Variants in ELAPOR2 observed in about 807,000 individuals in gnomAD.
The protein encoded by ELAPOR2 is endosome-lysosome associated apoptosis and autophagy regulator family member 2, also known as endosome/lysosome-associated apoptosis and autophagy regulator family member 2.
In ELAPOR2, 89 loss-of-function variants were observed where a neutral mutation model predicts 120.7. The observed-to-expected ratio is 0.74, with a 90% CI of 0.62 to 0.88. ELAPOR2 has a LOEUF of 0.88. Ranked by LOEUF, ELAPOR2 falls within the 40% of genes least tolerant of loss-of-function variation. The pLI is 0.00. For missense variants in ELAPOR2, 1,134 were observed against 1,251.6 expected, an observed-to-expected ratio of 0.91 and a Z score of 1.42; for synonymous variants, 444 against 444.9, an observed-to-expected ratio of 1.00 and a Z score of 0.03.
At chr7:87,034,920 T>C (rs1041849584) in intron 1 of ELAPOR2, among the ~76,000 whole-genome samples, 10 of 152,088 alleles carry the variant, frequency 6.6e-5, no homozygotes, top group Non-Finnish European at 1.0e-4. Context: ...CCGTCTCTAC[T>C]AAAAATACAA....
At chr7:86,892,726 T>C (rs974975793) in intron 20 of ELAPOR2, among the ~76,000 whole-genome samples, 196 bp downstream of exon 20, 1 of 152,110 alleles carries the variant, frequency 6.6e-6, no homozygotes, top group Non-Finnish European at 1.5e-5. Flanking sequence ...TCTAATGTTC[T>C]ATGATCTTTC....
At chr7:87,022,388 T>C (rs1304528373) in intron 1 of ELAPOR2, among the ~76,000 whole-genome samples, 3 of 151,992 alleles carry the variant, frequency 2.0e-5, no homozygotes, top group Non-Finnish European at 4.4e-5. Flanking sequence ...GCTTCATCCA[T>C]GTCCCTACAA....
chr7:87,052,236 T>C (rs1212429997), intron 1 of ELAPOR2, among the ~76,000 whole-genome samples: 1 of 152,180 alleles, frequency 6.6e-6, no homozygotes, highest in African/African-American at 2.4e-5. Context: ...GGACCTATAG[T>C]TTCAGTGGCT....
At chr7:86,941,455 A>G (rs1327842693) in intron 5 of ELAPOR2, 1 of 503,312 alleles carries the variant, frequency 2.0e-6, no homozygotes, top group Admixed American at 2.0e-5. Context: ...AATGTGTGGC[A>G]AATAGGTAGG....
intron 1 of ELAPOR2, among the ~76,000 whole-genome samples, chr7:86,987,769 C>T (rs899163372): frequency 7.2e-5 from 11 of 152,124 alleles, no homozygotes; most frequent in African/African-American, 2.7e-4. Flanking sequence ...GTAGTTCAAC[C>T]TTTGTGGAAG....
At chr7:86,949,164 A>G (rs1791128688) in intron 2 of ELAPOR2, among the ~76,000 whole-genome samples, 1 of 152,322 alleles carries the variant, frequency 6.6e-6, no homozygotes, top group South Asian at 2.1e-4. Flanking sequence ...AAATCAGTAA[A>G]ACATGAGAAA....
At chr7:86,985,785 T>G (rs1792706693) in intron 1 of ELAPOR2, among the ~76,000 whole-genome samples, 1 of 152,046 alleles carries the variant, frequency 6.6e-6, no homozygotes, top group East Asian at 1.9e-4. Context: ...TCATTCAACA[T>G]TAGGTATATC....
At chr7:86,988,443 T>A (rs1792832841) in intron 1 of ELAPOR2, among the ~76,000 whole-genome samples, 3 of 152,146 alleles carry the variant, frequency 2.0e-5, no homozygotes, top group African/African-American at 7.2e-5. Context: ...GCATTTACAT[T>A]GTATTAGGTA....
chr7:86,987,892 G>A (rs1317195680), intron 1 of ELAPOR2, among the ~76,000 whole-genome samples: 1 of 152,110 alleles, frequency 6.6e-6, no homozygotes, highest in Non-Finnish European at 1.5e-5. Flanking sequence ...AAAGATATAT[G>A]CACACTTATG....
At chr7:86,983,391 T>G (rs1238813595) in intron 1 of ELAPOR2, among the ~76,000 whole-genome samples, 2 of 152,078 alleles carry the variant, frequency 1.3e-5, no homozygotes, top group African/African-American at 4.8e-5. Flanking sequence ...ATTGTCAGAT[T>G]CACCAAGGTT....
chr7:86,998,445 G>A (rs1276041497), intron 1 of ELAPOR2, among the ~76,000 whole-genome samples: 1 of 152,198 alleles, frequency 6.6e-6, no homozygotes, highest in African/African-American at 2.4e-5. Flanking sequence ...TGGTTATAGA[G>A]TAGTGGAGCT....
At chr7:86,963,939 T>C (rs1755732180) in intron 2 of ELAPOR2, among the ~76,000 whole-genome samples, 1 of 152,226 alleles carries the variant, frequency 6.6e-6, no homozygotes, top group Non-Finnish European at 1.5e-5. Context: ...CAAGAAATAA[T>C]GGTATTTTTC....
At chr7:87,050,262 T>C (rs959878852) in intron 1 of ELAPOR2, among the ~76,000 whole-genome samples, 1 of 152,196 alleles carries the variant, frequency 6.6e-6, no homozygotes, top group South Asian at 2.1e-4. Context: ...CCAAATCTCA[T>C]GTTGAATTTT....
chr7:86,912,775 G>A (rs1465007785), intron 14 of ELAPOR2, among the ~76,000 whole-genome samples, 166 bp downstream of exon 14: 1 of 152,166 alleles, frequency 6.6e-6, no homozygotes, highest in Admixed American at 6.5e-5. Flanking sequence ...CATACAGTAA[G>A]TGTTTAATAA....
rs1163999697 is a variant in ELAPOR2 at position 87,050,584 on chromosome 7, AAGTACCCAATCTC to A, written c.189+8728_189+8740del. ...GTCAATTAAACATCTTTTCTTTATAAAGTACCCAATCTCAGGTACTTTTTTTACAGCAATGCGA... is the reference window on the plus strand; with the variant it reads ...GTCAATTAAACATCTTTTCTTTATAAAGGTACTTTTTTTACAGCAATGCGA... On this transcript the variant is annotated intron_variant, in intron 1 of 21. Transcript: ENST00000450689. Among the ~76,000 whole-genome samples the A allele has an allele frequency of 3.9e-5, 6 of 152,298 alleles. No individual in the cohort carries two copies. In the South Asian group the frequency reaches 1.2e-3, roughly 32 times the overall value.
At chr7:87,046,879 C>T (rs1355584226) in intron 1 of ELAPOR2, among the ~76,000 whole-genome samples, 2 of 152,114 alleles carry the variant, frequency 1.3e-5, no homozygotes, top group African/African-American at 2.4e-5. Context: ...AGAACTGATA[C>T]ACTATCCTAA....
intron 15 of ELAPOR2, 44 bp downstream of exon 15, chr7:86,912,028 G>A: frequency 6.5e-7 from 1 of 1,548,828 alleles, no homozygotes; most frequent in South Asian, 1.2e-5. Flanking sequence ...AACTTGATCG[G>A]AGCTGAAATA....
intron 1 of ELAPOR2, among the ~76,000 whole-genome samples, chr7:87,039,860 G>C (rs527616604): frequency 1.1e-4 from 17 of 152,258 alleles, no homozygotes; most frequent in African/African-American, 1.9e-4. Context: ...CTGAGGTACC[G>C]GGTTCATCTC....
chr7:86,889,590 A>G (rs752592477), intron 21 of ELAPOR2, among the ~76,000 whole-genome samples: 1 of 152,050 alleles, frequency 6.6e-6, no homozygotes, highest in Non-Finnish European at 1.5e-5. Context: ...AAGGCAGTAC[A>G]GTAGGAGATT....
Sources: allele counts gnomAD v4.1 joint callset (sites outside exome capture counted in the v4.1 genomes callset), GRCh38; gene constraint gnomAD v4.1.1; transcripts MANE v1.5; gene names NCBI Gene and HGNC (gene_info 2026-07-23, HGNC 2026-07-21).